The following GGPS1 variants were observed in gnomAD, a reference collection of about 807,000 sequenced individuals.
The protein encoded by GGPS1 is geranylgeranyl pyrophosphate synthase.
GGPS1 carries 15 observed loss-of-function variants against 28.1 expected under a neutral mutation model. The ratio of observed to expected loss-of-function variants is 0.53; its 90% CI spans 0.36 to 0.82. The LOEUF (loss-of-function observed/expected upper bound fraction) is 0.82, where lower values mean the gene tolerates loss of function less well. Ranked by LOEUF, GGPS1 falls within the 40% of genes least tolerant of loss-of-function variation. The pLI is 0.01. For synonymous variants in GGPS1, 138 were observed against 122.4 expected (o/e 1.13, Z -0.84); for missense variants, 284 against 348.3 (o/e 0.82, Z 1.47).
Position 235,340,735 on chromosome 1 carries a change from C to CAAAAA in GGPS1, c.71-954_71-950dup, listed in dbSNP as rs1165162184. 2.0e-3 allele frequency among the ~76,000 whole-genome samples: 102 copies of CAAAAA among 50,922 alleles called. 3 individuals are homozygous for CAAAAA. The highest frequency in any genetic ancestry group is 2.3e-3 in the Non-Finnish European group (69 of 29,590). The allele number at this position is 50,922 out of a possible 152,430, so 33.4% of individuals were successfully genotyped here. ...TGGGCGACAGAGCGAGACTCCGTCT[C>CAAAAA]AAAAAAAAAAAAAAAAAAAAAAACA... is the stretch of plus-strand genomic sequence containing the variant. On this transcript the variant is annotated intron_variant, in intron 2 of 3. Coordinates refer to ENST00000282841, the MANE Select transcript of GGPS1 (RefSeq NM_004837.4).
Position 235,343,930 on chromosome 1 carries a change from G to A in GGPS1, c.*1158G>A, listed in dbSNP as rs761005903. The stretch of plus-strand genomic sequence containing the variant: ...TCCTTCCCGCCCACATCACCACCCC[G>A]ACTTGAAGACAGTAGGTGCTTGAAT... On this transcript the variant is annotated 3_prime_UTR_variant, in exon 4 of 4. Transcript: ENST00000282841. The A allele has an allele frequency of 1.8e-5, 3 of 166,752 alleles. No homozygotes were observed. The highest frequency in any genetic ancestry group is 7.3e-5 in the African/African-American group (3 of 41,300). 10.3% of individuals were successfully genotyped at this position (166,752 alleles called of 1,614,324 possible). A position where few individuals can be genotyped will look rare whatever the true frequency, so the allele number is the denominator to read the frequency against.
chr1:235,340,685 G>A (rs1177767389), intron 2 of GGPS1, among the ~76,000 whole-genome samples: 14 of 126,826 alleles, frequency 1.1e-4, no homozygotes, highest in Admixed American at 5.0e-4. Context: ...GCAGTGAGCC[G>A]AGATCGCGCC....
rs773758872 is a variant in GGPS1 at position 235,342,137 on chromosome 1, A to G, written c.268A>G (p.Asn90Asp). Residue 90 changes from asparagine to aspartate, a missense_variant, in exon 4 of 4, where the codon AAT becomes GAT. Physicochemically the swap from Asn to Asp is conservative, Grantham distance 23. Coordinates refer to ENST00000282841, the MANE Select transcript of GGPS1 (RefSeq NM_004837.4). ...HSIYGIPSVI[N>D]SANYVYFLGL... ...CATCTATGGAATCCCATCTGTCATC[A>G]ATTCTGCCAATTACGTGTATTTCCT... 9.9e-6 allele frequency: 16 copies of G among 1,614,160 alleles called. No individual in the cohort carries two copies. Among genetic ancestry groups the G allele is most frequent in the Non-Finnish European group, 1.0e-5 (12 of 1,179,996 alleles).
intron 1 of GGPS1, among the ~76,000 whole-genome samples, chr1:235,332,100 G>A (rs987442487): frequency 1.3e-5 from 2 of 152,146 alleles, no homozygotes; most frequent in Non-Finnish European, 2.9e-5. Flanking sequence ...AATTTATGGG[G>A]TGCAAGTGTA....
Position 235,342,235 on chromosome 1 carries a change from C to T in GGPS1, c.366C>T (p.Leu122=), listed in dbSNP as rs758272142. The part of the protein sequence containing the change: ...VKLFTRQLLE[L]HQGQGLDIYW... ...TTTTTACCCGCCAGCTTTTGGAACT[C>T]CATCAGGGACAAGGCCTAGATATTT... The change falls in exon 4 of 4, where the codon CTC becomes CTT. Residue 122 remains leucine, a synonymous_variant. Coordinates refer to ENST00000282841, the MANE Select transcript of GGPS1 (RefSeq NM_004837.4). The T allele has an allele frequency of 3.1e-5, 50 of 1,613,842 alleles. No homozygotes were observed. The highest frequency in any genetic ancestry group is 4.2e-5 in the Non-Finnish European group (50 of 1,179,900).
At chr1:235,340,690 C>G (rs533672018) in intron 2 of GGPS1, among the ~76,000 whole-genome samples, 1 of 137,656 alleles carries the variant, frequency 7.3e-6, no homozygotes, top group Admixed American at 7.8e-5. Context: ...GAGCCGAGAT[C>G]GCGCCACTGC....
At chr1:235,338,322 CA>C (rs1675926375) in intron 2 of GGPS1, among the ~76,000 whole-genome samples, 1 of 151,092 alleles carries the variant, frequency 6.6e-6, no homozygotes, top group Non-Finnish European at 1.5e-5. Context: ...GTTGAGGCTG[CA>C]GTAAGCCAAG....
At position 235,335,330 on chromosome 1, in the gene GGPS1, AC is replaced by A; in HGVS notation, c.68del (p.Pro23GlnfsTer5). 2 of 1,431,348 alleles carry A rather than the reference AC, an allele frequency of 1.4e-6. No homozygotes were observed. The highest frequency in any genetic ancestry group is 2.0e-6 in the Non-Finnish European group (2 of 1,016,288). 88.7% of individuals were successfully genotyped at this position (1,431,348 alleles called of 1,614,324 possible). ...LEPYKYLLQL[P>X]GKQVRTKLSQ... ...AACCCTATAAATACTTACTTCAGTTACCAGGTAATACTTCACTTACAGTCCA... is the reference window on the plus strand; with the variant it reads ...AACCCTATAAATACTTACTTCAGTTACAGGTAATACTTCACTTACAGTCCA... On this transcript the variant is annotated frameshift_variant, in exon 2 of 4. Coordinates refer to ENST00000282841, the MANE Select transcript of GGPS1 (RefSeq NM_004837.4). LOFTEE classifies it high-confidence loss of function.
chr1:235,340,008 T>G (rs975206990), intron 2 of GGPS1, among the ~76,000 whole-genome samples: 1 of 152,084 alleles, frequency 6.6e-6, no homozygotes, highest in Non-Finnish European at 1.5e-5. Flanking sequence ...GGCACATGCG[T>G]GTAATCCCAG....
chr1:235,338,644 C>T (rs1292317679), intron 2 of GGPS1, among the ~76,000 whole-genome samples: 1 of 151,652 alleles, frequency 6.6e-6, no homozygotes, highest in Non-Finnish European at 1.5e-5. Context: ...CCAAGTGGGA[C>T]AGATTGCTTT....
Position 235,343,899 on chromosome 1 carries a change from C to T in GGPS1, c.*1127C>T, listed in dbSNP as rs1042194196. The T allele has an allele frequency of 1.7e-4, 28 of 166,746 alleles. No individual in the cohort carries two copies. Among genetic ancestry groups the T allele is most frequent in the African/African-American group, 6.5e-4 (27 of 41,316 alleles). 10.3% of individuals were successfully genotyped at this position (166,746 alleles called of 1,614,324 possible). A position where few individuals can be genotyped will look rare whatever the true frequency, so the allele number is the denominator to read the frequency against. On this transcript the variant is annotated 3_prime_UTR_variant, in exon 4 of 4. Coordinates refer to ENST00000282841, the MANE Select transcript of GGPS1 (RefSeq NM_004837.4). Reference sequence around the variant, plus strand: ...TTAAGTACAAAAGCATGGAAAAATGCGCTTTTCCTTCCCGCCCACATCACC... The same window carrying T: ...TTAAGTACAAAAGCATGGAAAAATGTGCTTTTCCTTCCCGCCCACATCACC...
At chr1:235,340,225 C>G (rs1391720255) in intron 2 of GGPS1, among the ~76,000 whole-genome samples, 2 of 152,194 alleles carry the variant, frequency 1.3e-5, no homozygotes, top group Non-Finnish European at 2.9e-5. Context: ...GTAATTTCAG[C>G]AATTTGGGAG....
In GGPS1 at chr1:235,343,913, GCCCACATCACCA is replaced by G. The variant is rs899062644; in HGVS notation, c.*1145_*1156del. 10 of 166,664 alleles carry G rather than the reference GCCCACATCACCA, an allele frequency of 6.0e-5. No homozygotes were observed. Among genetic ancestry groups the G allele is most frequent in the African/African-American group, 2.4e-4 (10 of 41,298 alleles). 10.3% of individuals were successfully genotyped at this position (166,664 alleles called of 1,614,324 possible). A position where few individuals can be genotyped will look rare whatever the true frequency, so the allele number is the denominator to read the frequency against. On this transcript the variant is annotated 3_prime_UTR_variant, in exon 4 of 4. Coordinates refer to ENST00000282841, the MANE Select transcript of GGPS1 (RefSeq NM_004837.4). ...ATGGAAAAATGCGCTTTTCCTTCCC[GCCCACATCACCA>G]CCCCGACTTGAAGACAGTAGGTGCT...
At position 235,335,222 on chromosome 1, in the gene GGPS1, A is replaced by C; in HGVS notation, c.-23-20A>C. The C allele has an allele frequency of 1.0e-6, 1 of 969,894 alleles. No individual in the cohort carries two copies. Among genetic ancestry groups the C allele is most frequent in the Non-Finnish European group, 1.6e-6 (1 of 611,142 alleles). 60.1% of individuals were successfully genotyped at this position (969,894 alleles called of 1,614,324 possible). A position where few individuals can be genotyped will look rare whatever the true frequency, so the allele number is the denominator to read the frequency against. On this transcript the variant is annotated intron_variant, in intron 1 of 3. Transcript: ENST00000282841. ...AGATGATTAGTTTCATGTGATCTTT[A>C]TGTTTCTCCTTTTTGACAGATTAGC...
In GGPS1 at chr1:235,343,785, G is replaced by A. The variant is rs550550968; in HGVS notation, c.*1013G>A. 6.0e-6 allele frequency: 1 copy of A among 166,970 alleles called. No homozygotes were observed. Among genetic ancestry groups the A allele is most frequent in the Non-Finnish European group, 1.5e-5 (1 of 68,062 alleles). 10.3% of individuals were successfully genotyped at this position (166,970 alleles called of 1,614,324 possible). On this transcript the variant is annotated 3_prime_UTR_variant, in exon 4 of 4. Coordinates refer to ENST00000282841, the MANE Select transcript of GGPS1 (RefSeq NM_004837.4). The stretch of plus-strand genomic sequence containing the variant: ...TCCAATTGGGAAGCGGAAAAAGAGA[G>A]TATGGGATATTTTAGAAGGGAGCCT...
chr1:235,337,739 C>G (rs1675911071), intron 2 of GGPS1, among the ~76,000 whole-genome samples: 1 of 151,672 alleles, frequency 6.6e-6, no homozygotes, highest in Admixed American at 6.6e-5. Flanking sequence ...GTCACAGGAG[C>G]CTAGGAGGCA....
intron 2 of GGPS1, among the ~76,000 whole-genome samples, chr1:235,340,733 CT>C (rs1676013728): frequency 3.8e-5 from 1 of 26,408 alleles, no homozygotes; most frequent in African/African-American, 1.4e-4. Flanking sequence ...GAGACTCCGT[CT>C]CAAAAAAAAA....
chr1:235,338,344 T>G (rs1009223158), intron 2 of GGPS1, among the ~76,000 whole-genome samples: 10 of 150,622 alleles, frequency 6.6e-5, no homozygotes, highest in Admixed American at 2.0e-4. Flanking sequence ...ATCACACCAC[T>G]GCACCCCAGC....
At chr1:235,341,888 T>C in intron 3 of GGPS1, 110 bp downstream of exon 3, 2 of 869,208 alleles carry the variant, frequency 2.3e-6, no homozygotes, top group Non-Finnish European at 3.7e-6. Flanking sequence ...TTATTTTATA[T>C]TGAGGTTGCT....
Sources: gnomAD v4.1 joint callset for allele counts (sites outside exome capture counted in the v4.1 genomes callset) on GRCh38, gnomAD v4.1.1 for gene constraint, MANE v1.5 for transcripts, NCBI Gene and HGNC (gene_info 2026-07-23, HGNC 2026-07-21) for gene names.